KRT77: variants seen among roughly 807,000 people sequenced by gnomAD.
KRT77 encodes keratin, type II cytoskeletal 1b.
A neutral mutation model predicts 51.5 loss-of-function variants in KRT77; 44 were observed. The ratio of observed to expected loss-of-function variants is 0.85; its 90% CI spans 0.67 to 1.10. KRT77 has a LOEUF of 1.10. Ranked by LOEUF, KRT77 falls within the 50% of genes least tolerant of loss-of-function variation. The probability of loss-of-function intolerance (pLI) is 0.00; values close to 1 mark genes in which losing one functional copy is unlikely to be tolerated. For synonymous variants in KRT77, 293 were observed against 302.0 expected, an observed-to-expected ratio of 0.97 and a Z score of 0.31; for missense variants, 763 against 743.9, an observed-to-expected ratio of 1.03 and a Z score of -0.30.
In KRT77 at chr12:52,692,485, C is replaced by A. The variant is rs768894015; in HGVS notation, c.1363G>T (p.Val455Phe). 10 of 1,613,932 alleles carry A rather than the reference C, an allele frequency of 6.2e-6. No individual in the cohort carries two copies. The highest frequency in any genetic ancestry group is 8.5e-6 in the Non-Finnish European group (10 of 1,180,016). Reference sequence around the variant, plus strand: ...ATCTCCACATCCAGGGACAGCTTGACCCCCAGCATGGCCTGGTAGTCACGC... The same window carrying A: ...ATCTCCACATCCAGGGACAGCTTGAACCCCAGCATGGCCTGGTAGTCACGC... ...LLRDYQAMLG[V>F]KLSLDVEIAT... The change falls in exon 7 of 9, where the codon GTC becomes TTC. Residue 455 changes from valine (V) to phenylalanine (F), a missense_variant. Coordinates refer to ENST00000341809, the MANE Select transcript of KRT77 (RefSeq NM_175078.3).
chr12:52,693,093 C>T (rs780545608), intron 5 of KRT77, among the ~76,000 whole-genome samples: 2 of 150,756 alleles, frequency 1.3e-5, no homozygotes, highest in Admixed American at 6.6e-5. Context: ...CCAAGCCTCC[C>T]GCATTCCCAC....
intron 8 of KRT77, 131 bp downstream of exon 8, chr12:52,691,807 C>G: frequency 1.0e-6 from 1 of 970,834 alleles, no homozygotes. Context: ...ATTACACTTG[C>G]TTACTTTGGT....
At chr12:52,697,942 A>G (rs1442828634) in intron 1 of KRT77, 46 bp from the exon 2 acceptor site, 1 of 1,573,038 alleles carries the variant, frequency 6.4e-7, no homozygotes, top group Non-Finnish European at 8.7e-7. Flanking sequence ...GGATCAGAGC[A>G]GCTCCCCCAT....
In KRT77 at chr12:52,691,992, G is replaced by T; in HGVS notation, c.1428-20C>A. On this transcript the variant is annotated intron_variant, in intron 7 of 8. Coordinates refer to ENST00000341809, the MANE Select transcript of KRT77 (RefSeq NM_175078.3). ...GACATCCTGTAAAACCAAAGCACAC[G>T]GTCAGCCAGACCCACAGGGCCTGAG... The T allele has an allele frequency of 6.2e-7, 1 of 1,613,738 alleles. No individual in the cohort carries two copies.
chr12:52,698,803 C>A (rs575649767), intron 1 of KRT77, among the ~76,000 whole-genome samples: 152 of 152,362 alleles, frequency 1.0e-3, no homozygotes, highest in African/African-American at 3.4e-3. Context: ...TTTGCTCGGC[C>A]GCATGCAGGC....
chr12:52,702,922 G>A lies in KRT77; in HGVS notation c.513C>T (p.Leu171=). Residue 171 remains leucine, a synonymous_variant, in exon 1 of 9, where the codon CTC becomes CTT. Coordinates refer to ENST00000341809, the MANE Select transcript of KRT77 (RefSeq NM_175078.3). ...KTQEREQIMV[L]NNKFASFIDK... The stretch of plus-strand genomic sequence containing the variant: ...CAATGAAGGAGGCAAACTTGTTGTT[G>A]AGAACCATAATCTGCTCCCGCTCCT... The A allele has an allele frequency of 6.2e-7, 1 of 1,614,030 alleles. No homozygotes were observed. The highest frequency in any genetic ancestry group is 8.5e-7 in the Non-Finnish European group (1 of 1,180,010).
intron 5 of KRT77, among the ~76,000 whole-genome samples, chr12:52,693,191 G>C (rs182587226): frequency 2.7e-5 from 4 of 150,438 alleles, no homozygotes; most frequent in South Asian, 2.1e-4. Context: ...AAGCCTTCAC[G>C]TTGGTCCTTA....
At position 52,691,261 on chromosome 12, in the gene KRT77, C is replaced by CCCGCCA. The variant is rs1288107867; in HGVS notation, c.1635_1640dup (p.Gly546_Gly547dup). 1 of 1,605,984 alleles carries CCCGCCA rather than the reference C, an allele frequency of 6.2e-7. No homozygotes were observed. The highest frequency in any genetic ancestry group is 8.5e-7 in the Non-Finnish European group (1 of 1,176,416). On this transcript the variant is annotated inframe_insertion, in exon 9 of 9. Transcript: ENST00000341809. ...CGCTTCTGCCGCTCCCTCCGTAGCTCCCGCCACCGCCGCCGCAGCCGCTGC... is the reference window on the plus strand; with the variant it reads ...CGCTTCTGCCGCTCCCTCCGTAGCTCCCGCCACCGCCACCGCCGCCGCAGCCGCTGC...
In KRT77 at chr12:52,690,756, A is replaced by T; in HGVS notation, c.*409T>A. The T allele has an allele frequency of 3.2e-6, 1 of 316,486 alleles. No individual in the cohort carries two copies. Among genetic ancestry groups the T allele is most frequent in the Non-Finnish European group, 5.9e-6 (1 of 169,580 alleles). 19.6% of individuals were successfully genotyped at this position (316,486 alleles called of 1,614,324 possible). A position where few individuals can be genotyped will look rare whatever the true frequency, so the allele number is the denominator to read the frequency against. On this transcript the variant is annotated 3_prime_UTR_variant, in exon 9 of 9. Transcript: ENST00000341809. ...ATTAATACTTAGCTGCAGTGGCTTG[A>T]ACTGGGGCATAAGGGCATTCTACTT...
chr12:52,701,321 C>T lies in KRT77; in HGVS notation c.543+1571G>A, dbSNP rs192605381. Among the ~76,000 whole-genome samples, 528 of 152,352 alleles carry T rather than the reference C, an allele frequency of 3.5e-3. 5 individuals carry two copies. Among genetic ancestry groups the T allele is most frequent in the Non-Finnish European group, 5.4e-3 (367 of 68,034 alleles). ...TCCCACGCAGCATGATCGGAAGCCA[C>T]GGGAGCACGCTGCTGTGTTGCGCTC... On this transcript the variant is annotated intron_variant, in intron 1 of 8. Transcript: ENST00000341809.
At chr12:52,698,906 C>G (rs1941841639) in intron 1 of KRT77, among the ~76,000 whole-genome samples, 1 of 152,218 alleles carries the variant, frequency 6.6e-6, no homozygotes, top group African/African-American at 2.4e-5. Flanking sequence ...GTGGTCAGAA[C>G]GGAACCCTGA....
rs1941694774 is a variant in KRT77, at chr12:52,691,001, G to C, written c.*164C>G. 1 of 919,668 alleles carries C rather than the reference G, an allele frequency of 1.1e-6. No homozygotes were observed. The highest frequency in any genetic ancestry group is 1.6e-5 in the African/African-American group (1 of 60,772). 57.0% of individuals were successfully genotyped at this position (919,668 alleles called of 1,614,324 possible). A position where few individuals can be genotyped will look rare whatever the true frequency, so the allele number is the denominator to read the frequency against. ...CCCTCCAAAGAGAGATCTGCTGTTT[G>C]GACTTATCCACCCTGCTTCCCCCAT... On this transcript the variant is annotated 3_prime_UTR_variant, in exon 9 of 9. Coordinates refer to ENST00000341809, the MANE Select transcript of KRT77 (RefSeq NM_175078.3).
chr12:52,697,612 C>A (rs897147657), intron 2 of KRT77, 70 bp downstream of exon 2: 2 of 749,566 alleles, frequency 2.7e-6, no homozygotes, highest in Non-Finnish European at 4.1e-6. Flanking sequence ...ACACTGAAGC[C>A]GAATGTCTTG....
intron 8 of KRT77, 71 bp downstream of exon 8, chr12:52,691,867 C>T: frequency 6.3e-7 from 1 of 1,581,196 alleles, no homozygotes; most frequent in Non-Finnish European, 8.7e-7. Context: ...CCGTTCTCTG[C>T]TGGCCACCTC....
Position 52,691,249 on chromosome 12 carries a change from C to G in KRT77, c.1653G>C (p.Gly551=), listed in dbSNP as rs1234768061. 1 of 1,611,998 alleles carries G rather than the reference C, an allele frequency of 6.2e-7. No homozygotes were observed. Among genetic ancestry groups the G allele is most frequent in the Admixed American group, 1.7e-5 (1 of 59,876 alleles). Residue 551 remains glycine, a synonymous_variant, in exon 9 of 9, where the codon GGG becomes GGC. Coordinates refer to ENST00000341809, the MANE Select transcript of KRT77 (RefSeq NM_175078.3). The part of the protein sequence containing the change: ...GCGGGGGSYG[G]SGRSGRGSSR... Reference sequence around the variant, plus strand: ...AGGATCCGCGGCCGCTTCTGCCGCTCCCTCCGTAGCTCCCGCCACCGCCGC... The same window carrying G: ...AGGATCCGCGGCCGCTTCTGCCGCTGCCTCCGTAGCTCCCGCCACCGCCGC...
At chr12:52,700,681 C>A (rs1941875128) in intron 1 of KRT77, among the ~76,000 whole-genome samples, 1 of 152,156 alleles carries the variant, frequency 6.6e-6, no homozygotes, top group Non-Finnish European at 1.5e-5. Context: ...GCTGTTCCAC[C>A]CAGTGAGGGC....
chr12:52,690,801 C>A lies in KRT77; in HGVS notation c.*364G>T. 2.5e-6 allele frequency: 1 copy of A among 394,256 alleles called. No homozygotes were observed. Among genetic ancestry groups the A allele is most frequent in the East Asian group, 6.0e-5 (1 of 16,568 alleles). 24.4% of individuals were successfully genotyped at this position (394,256 alleles called of 1,614,324 possible). On this transcript the variant is annotated 3_prime_UTR_variant, in exon 9 of 9. Transcript: ENST00000341809. ...CTACTTGGAGGCAGAGGAATGATAA[C>A]AATGACTTCTCCCTACCTTGCCAAC...
intron 8 of KRT77, 83 bp from the exon 9 acceptor site, chr12:52,691,522 C>T: frequency 2.1e-6 from 3 of 1,440,350 alleles, no homozygotes; most frequent in Non-Finnish European, 2.8e-6. Context: ...CTGCAGCCTC[C>T]TCCATCCTCG....
chr12:52,699,728 G>A (rs1592274763), intron 1 of KRT77, among the ~76,000 whole-genome samples: 1 of 152,178 alleles, frequency 6.6e-6, no homozygotes, highest in East Asian at 1.9e-4. Context: ...CCACCAGTGT[G>A]TCCCCTTTGC....
Sources: gnomAD v4.1 joint callset for allele counts (sites outside exome capture counted in the v4.1 genomes callset) on GRCh38, gnomAD v4.1.1 for gene constraint, MANE v1.5 for transcripts, NCBI Gene and HGNC (gene_info 2026-07-23, HGNC 2026-07-21) for gene names.